The following BCL10 variants were observed in gnomAD, a reference collection of about 807,000 sequenced individuals.
BCL10 encodes B-cell lymphoma/leukemia 10.
In BCL10, 5 loss-of-function variants were observed where a neutral mutation model predicts 19.2. The ratio of observed to expected loss-of-function variants is 0.26; its 90% CI spans 0.14 to 0.55. The LOEUF (loss-of-function observed/expected upper bound fraction) is 0.55, where lower values mean the gene tolerates loss of function less well. BCL10 is among the 20% of genes least tolerant of loss of function. The pLI is 0.94. For synonymous variants in BCL10, 110 were observed against 98.8 expected, an observed-to-expected ratio of 1.11 and a Z score of -0.67; for missense variants, 201 against 271.9, an observed-to-expected ratio of 0.74 and a Z score of 1.83.
At chr1:85,268,054 TGTTAA>T (rs76553839) in intron 2 of BCL10, 72 bp from the exon 3 acceptor site, 72,377 of 1,024,472 alleles carry the variant, frequency 0.071, 2,978 homozygotes, top group Middle Eastern at 0.11. Flanking sequence ...TCTTGTGACT[TGTTAA>T]AGATTACAAG....
chr1:85,273,101 G>A (rs898469845), intron 1 of BCL10, among the ~76,000 whole-genome samples: 3 of 152,132 alleles, frequency 2.0e-5, no homozygotes, highest in South Asian at 4.1e-4. Flanking sequence ...TAACTCCCCA[G>A]AATGAGTTAG....
In BCL10 at chr1:85,267,861, T is replaced by C; in HGVS notation, c.468A>G (p.Pro156=). 2 of 1,614,138 alleles carry C rather than the reference T, an allele frequency of 1.2e-6. No individual in the cohort carries two copies. The highest frequency in any genetic ancestry group is 1.7e-6 in the Non-Finnish European group (2 of 1,180,016). Residue 156 remains proline, a synonymous_variant, in exon 3 of 3, where the codon CCA becomes CCG. Transcript: ENST00000648566. ...AGGGCGTCGTGCTGGATTCTCCTTC[T>C]GGATGGTACATGACAGTGGATGCCC... ...KLRASTVMYH[P]EGESSTTPFF...
chr1:85,276,625 C>G lies in BCL10; in HGVS notation c.-273G>C. On this transcript the variant is annotated 5_prime_UTR_variant, in exon 1 of 3. Coordinates refer to ENST00000648566, the MANE Select transcript of BCL10 (RefSeq NM_003921.5). ...TCCTTCCCTCTCGTAGAGGCTCAGGCGCAGGCACCGCCCCACGGCGAGGCG... is the reference window on the plus strand; with the variant it reads ...TCCTTCCCTCTCGTAGAGGCTCAGGGGCAGGCACCGCCCCACGGCGAGGCG... 1.8e-6 allele frequency: 1 copy of G among 546,644 alleles called. No individual in the cohort carries two copies. The highest frequency in any genetic ancestry group is 2.1e-5 in the South Asian group (1 of 47,388). 33.9% of individuals were successfully genotyped at this position (546,644 alleles called of 1,614,324 possible). A position where few individuals can be genotyped will look rare whatever the true frequency, so the allele number is the denominator to read the frequency against.
intron 1 of BCL10, among the ~76,000 whole-genome samples, chr1:85,273,751 C>G (rs554326196): frequency 1.3e-5 from 2 of 152,348 alleles, no homozygotes; most frequent in East Asian, 3.9e-4. Context: ...AATCACCATC[C>G]TCATTCATCT....
intron 2 of BCL10, among the ~76,000 whole-genome samples, chr1:85,268,247 G>A (rs764298648): frequency 1.9e-4 from 29 of 152,178 alleles, no homozygotes; most frequent in South Asian, 1.0e-3. Context: ...AAGGTACAGC[G>A]TACATATAAA....
chr1:85,274,013 A>G (rs1413818911), intron 1 of BCL10, among the ~76,000 whole-genome samples: 5 of 152,116 alleles, frequency 3.3e-5, no homozygotes, highest in Non-Finnish European at 7.4e-5. Context: ...GGTCTTGCCT[A>G]TTTTAGGTCC....
chr1:85,276,613 T>G lies in BCL10; in HGVS notation c.-261A>C. On this transcript the variant is annotated 5_prime_UTR_variant, in exon 1 of 3. Transcript: ENST00000648566. The stretch of plus-strand genomic sequence containing the variant: ...TCGGAGCAGCGTTCCTTCCCTCTCG[T>G]AGAGGCTCAGGCGCAGGCACCGCCC... 1 of 563,788 alleles carries G rather than the reference T, an allele frequency of 1.8e-6. No individual in the cohort carries two copies. The highest frequency in any genetic ancestry group is 3.1e-5 in the Admixed American group (1 of 32,130). 34.9% of individuals were successfully genotyped at this position (563,788 alleles called of 1,614,324 possible).
At position 85,267,815 on chromosome 1, in the gene BCL10, GAGA is replaced by G. The variant is rs761530874; in HGVS notation, c.511_513del (p.Ser171del). 8 of 1,614,114 alleles carry G rather than the reference GAGA, an allele frequency of 5.0e-6. No individual in the cohort carries two copies. The highest frequency in any genetic ancestry group is 1.7e-5 in the Admixed American group (1 of 60,012). On this transcript the variant is annotated inframe_deletion, in exon 3 of 3. Coordinates refer to ENST00000648566, the MANE Select transcript of BCL10 (RefSeq NM_003921.5). ...CCTACTTCTAGAACAGGCAAATTCA[GAGA>G]AGAATTAGTAGAAAAAAAGGGCGTC... is the stretch of plus-strand genomic sequence containing the variant.
chr1:85,275,065 T>TTGC (rs1259874750), intron 1 of BCL10, among the ~76,000 whole-genome samples: 2 of 152,236 alleles, frequency 1.3e-5, no homozygotes, highest in African/African-American at 4.8e-5. Context: ...TTAGAGGTTG[T>TTGC]TGCGAAGGTT....
rs1360546447 is a variant in BCL10 at position 85,267,546 on chromosome 1, AATG to A, written c.*78_*80del. ...AAAAGACATGCATCAAATGTAAACA[AATG>A]ATTACAGCCATTTTATAAAAAGTCA... is the stretch of plus-strand genomic sequence containing the variant. On this transcript the variant is annotated 3_prime_UTR_variant, in exon 3 of 3. Coordinates refer to ENST00000648566, the MANE Select transcript of BCL10 (RefSeq NM_003921.5). The A allele has an allele frequency of 7.6e-6, 9 of 1,186,140 alleles. No homozygotes were observed. Among genetic ancestry groups the A allele is most frequent in the African/African-American group, 3.1e-5 (2 of 64,808 alleles). 73.5% of individuals were successfully genotyped at this position (1,186,140 alleles called of 1,614,324 possible).
intron 1 of BCL10, 95 bp from the exon 2 acceptor site, chr1:85,271,001 A>T: frequency 7.7e-7 from 1 of 1,298,798 alleles, no homozygotes; most frequent in Non-Finnish European, 1.1e-6. Flanking sequence ...GTGTGAGACA[A>T]TGTTCTAAAG....
intron 1 of BCL10, among the ~76,000 whole-genome samples, chr1:85,273,064 TG>T (rs1660409095): frequency 6.6e-6 from 1 of 152,202 alleles, no homozygotes; most frequent in Non-Finnish European, 1.5e-5. Flanking sequence ...TTTAGGTCAG[TG>T]GTCATCTTCT....
chr1:85,267,897 A>G lies in BCL10; in HGVS notation c.432T>C (p.Ser144=). Residue 144 remains serine, a synonymous_variant, in exon 3 of 3, where the codon TCT becomes TCC. Coordinates refer to ENST00000648566, the MANE Select transcript of BCL10 (RefSeq NM_003921.5). ...TGACAGTGGATGCCCTCAGTTTTTC[A>G]GAGAAATTACTCTCATCTGAATTTG... ...SRSNSDESNF[S]EKLRASTVMY... The G allele has an allele frequency of 6.2e-7, 1 of 1,613,928 alleles. No homozygotes were observed. The highest frequency in any genetic ancestry group is 2.2e-5 in the East Asian group (1 of 44,854).
rs756057028 is a variant in BCL10, at chr1:85,267,701, C to G, written c.628G>C (p.Glu210Gln). ...APPLPPDLQL[E>Q]EEGTCANSSE... ...GAGTTTGCACAAGTTCCTTCTTCTTCTAACTGTAGATCTGGTGGCAAAGGA... is the reference window on the plus strand; with the variant it reads ...GAGTTTGCACAAGTTCCTTCTTCTTGTAACTGTAGATCTGGTGGCAAAGGA... The change falls in exon 3 of 3, where the codon GAA (glutamate) becomes CAA (glutamine). Residue 210 changes from glutamate (E) to glutamine (Q), a missense_variant. Physicochemically the swap from Glu to Gln is conservative, Grantham distance 29. This residue lies in a region of BCL10 where 126 missense variants were observed against 136.6 expected (regional missense o/e 0.92). Transcript: ENST00000648566. 5 of 1,614,152 alleles carry G rather than the reference C, an allele frequency of 3.1e-6. No homozygotes were observed. The highest frequency in any genetic ancestry group is 3.4e-6 in the Non-Finnish European group (4 of 1,180,024).
At chr1:85,268,240 G>A (rs1480426894) in intron 2 of BCL10, among the ~76,000 whole-genome samples, 1 of 152,056 alleles carries the variant, frequency 6.6e-6, no homozygotes, top group Non-Finnish European at 1.5e-5. Context: ...CTCATTTAAG[G>A]TACAGCGTAC....
chr1:85,275,242 G>C (rs954788152), intron 1 of BCL10, among the ~76,000 whole-genome samples: 1 of 152,178 alleles, frequency 6.6e-6, no homozygotes, highest in Non-Finnish European at 1.5e-5. Context: ...GCAGGAAACT[G>C]ATCTTCATTT....
chr1:85,272,301 A>G (rs1660388566), intron 1 of BCL10, among the ~76,000 whole-genome samples: 1 of 152,078 alleles, frequency 6.6e-6, no homozygotes, highest in Admixed American at 6.6e-5. Context: ...GCTTGATCAT[A>G]GCTCACTGCA....
chr1:85,268,062 A>G (rs1356014135), intron 2 of BCL10, 80 bp from the exon 3 acceptor site: 7 of 918,642 alleles, frequency 7.6e-6, no homozygotes, highest in Admixed American at 2.7e-5. Context: ...CTTGTTAAAG[A>G]TTACAAGCTA....
At position 85,266,062 on chromosome 1, in the gene BCL10, C is replaced by A. The variant is rs1416716156; in HGVS notation, c.*1565G>T. Among the ~76,000 whole-genome samples the A allele has an allele frequency of 6.6e-6, 1 of 152,030 alleles. No individual in the cohort carries two copies. The highest frequency in any genetic ancestry group is 1.5e-5 in the Non-Finnish European group (1 of 67,988). On this transcript the variant is annotated 3_prime_UTR_variant, in exon 3 of 3. Transcript: ENST00000648566. ...AGAAAGTGCTTATACTAAAAAAAAT[C>A]CAATCTTTAAAAATTTTTAAAGCTA...
Sources: gnomAD v4.1 joint callset for allele counts (sites outside exome capture counted in the v4.1 genomes callset) on GRCh38, gnomAD v4.1.1 for gene constraint, gnomAD v4.1.1 regional missense constraint, MANE v1.5 for transcripts, NCBI Gene and HGNC (gene_info 2026-07-23, HGNC 2026-07-21) for gene names.